Variants in ACOX2 observed in about 807,000 individuals in gnomAD.
ACOX2 encodes acyl-CoA oxidase 2.
In ACOX2, 59 loss-of-function variants were observed where a neutral mutation model predicts 77.5. That is an observed-to-expected ratio of 0.76 (90% CI 0.62 to 0.95). The LOEUF (loss-of-function observed/expected upper bound fraction) is 0.95, where lower values mean the gene tolerates loss of function less well. Among genes scored for constraint, ACOX2 ranks in the 40% least tolerant of loss-of-function variants. The pLI, the probability that ACOX2 is intolerant of heterozygous loss-of-function variation, is 0.00. For synonymous variants in ACOX2, 317 were observed against 340.1 expected (o/e 0.93, Z 0.75); for missense variants, 837 against 880.4 (o/e 0.95, Z 0.62).
At position 58,526,507 on chromosome 3, in the gene ACOX2, G is replaced by A. The variant is rs1162883753; in HGVS notation, c.1305C>T (p.Thr435=). 3.1e-6 allele frequency: 5 copies of A among 1,614,148 alleles called. No individual in the cohort carries two copies. The highest frequency in any genetic ancestry group is 4.2e-6 in the Non-Finnish European group (5 of 1,180,022). The change falls in exon 10 of 15, where the codon ACC becomes ACT. Residue 435 remains threonine (T), a synonymous_variant. Coordinates refer to ENST00000302819, the MANE Select transcript of ACOX2 (RefSeq NM_003500.4). The surrounding 1 kb of genome is among the most constrained non-coding windows in gnomAD (Gnocchi z 4.3). The stretch of plus-strand genomic sequence containing the variant: ...AGAGCACTGTGTTCTCACCCTCGTA[G>A]GTACAGGAGGCCGACAATTTGGTGA... The part of the protein sequence containing the change: ...SLVTKLSASC[T]YEGENTVLYL...
chr3:58,520,094 T>TTG (rs1213228014), intron 12 of ACOX2, among the ~76,000 whole-genome samples: 2 of 152,210 alleles, frequency 1.3e-5, no homozygotes, highest in Non-Finnish European at 2.9e-5. Flanking sequence ...ATTATTTACA[T>TTG]TGTGTGTGTT....
rs1407055019 is a variant in ACOX2, at chr3:58,522,537, CCTCG to C, written c.1587_1590del (p.His529GlnfsTer23). ...TGTATGACAGTGGTCTGGTTCCAAG[CCTCG>C]TGCTGGTCAGCTCCGGATTGCGTCA... On this transcript the variant is annotated frameshift_variant, in exon 12 of 15. Coordinates refer to ENST00000302819, the MANE Select transcript of ACOX2 (RefSeq NM_003500.4). LOFTEE classifies it high-confidence loss of function. The surrounding 1 kb of genome is among the most constrained non-coding windows in gnomAD (Gnocchi z 4.3). 1.2e-6 allele frequency: 2 copies of C among 1,614,176 alleles called. No homozygotes were observed. The highest frequency in any genetic ancestry group is 2.2e-5 in the South Asian group (2 of 91,088).
In ACOX2 at chr3:58,533,004, G is replaced by A. The variant is rs2063452415; in HGVS notation, c.583+441C>T. Among the ~76,000 whole-genome samples the A allele has an allele frequency of 6.6e-6, 1 of 152,172 alleles. No homozygotes were observed. The highest frequency in any genetic ancestry group is 2.4e-5 in the African/African-American group (1 of 41,428). ...TGGTGATGGGCGTGAGCCTTCCTGGGTGTCTGCAGCAGGGGCAGGCAGGCG... is the reference window on the plus strand; with the variant it reads ...TGGTGATGGGCGTGAGCCTTCCTGGATGTCTGCAGCAGGGGCAGGCAGGCG... On this transcript the variant is annotated intron_variant, in intron 5 of 14. Coordinates refer to ENST00000302819, the MANE Select transcript of ACOX2 (RefSeq NM_003500.4). This position sits in a 1 kb window ranked among gnomAD's most constrained non-coding sequence, Gnocchi z 5.6.
chr3:58,528,766 C>T lies in ACOX2; in HGVS notation c.1155+28G>A, dbSNP rs754999599. The T allele has an allele frequency of 4.4e-6, 7 of 1,580,608 alleles. No homozygotes were observed. In the African/African-American group the frequency reaches 5.4e-5, roughly 12 times the overall value. Reference sequence around the variant, plus strand: ...AATCTTAGCTCCCAGCGCCTGCCAGCGCCTGCCCCTCCGCAGACAGCAGGT... The same window carrying T: ...AATCTTAGCTCCCAGCGCCTGCCAGTGCCTGCCCCTCCGCAGACAGCAGGT... On this transcript the variant is annotated intron_variant, in intron 9 of 14. Transcript: ENST00000302819. This position sits in a 1 kb window ranked among gnomAD's most constrained non-coding sequence, Gnocchi z 5.6.
rs2063344830 is a variant in ACOX2, at chr3:58,519,550, G to C, written c.1633-2127C>G. Among the ~76,000 whole-genome samples, 1 of 152,178 alleles carries C rather than the reference G, an allele frequency of 6.6e-6. No homozygotes were observed. The stretch of plus-strand genomic sequence containing the variant: ...AAGTGTGGTGGTATAATGAGGTGAT[G>C]ATGGGGAACCATGGAGGTTAGGGTG... On this transcript the variant is annotated intron_variant, in intron 12 of 14. Transcript: ENST00000302819. The surrounding 1 kb of genome is among the most constrained non-coding windows in gnomAD (Gnocchi z 5.0).
chr3:58,519,671 G>A lies in ACOX2; in HGVS notation c.1633-2248C>T, dbSNP rs1388263978. Among the ~76,000 whole-genome samples, 1 of 152,158 alleles carries A rather than the reference G, an allele frequency of 6.6e-6. No homozygotes were observed. Among genetic ancestry groups the A allele is most frequent in the South Asian group, 2.1e-4 (1 of 4,822 alleles). On this transcript the variant is annotated intron_variant, in intron 12 of 14. Coordinates refer to ENST00000302819, the MANE Select transcript of ACOX2 (RefSeq NM_003500.4). This position sits in a 1 kb window ranked among gnomAD's most constrained non-coding sequence, Gnocchi z 5.0. ...GGAGTCTTCAGCTGGGCAGTGACCC[G>A]ATCCGCTTTCTCACTTGGAAAGAAC...
chr3:58,527,856 C>T (rs1285286968), intron 9 of ACOX2, among the ~76,000 whole-genome samples: 1 of 117,690 alleles, frequency 8.5e-6, no homozygotes, highest in African/African-American at 3.1e-5. Context: ...CCACACCTGA[C>T]TAATTTTTCA....
At chr3:58,520,466 C>T (rs2063351079) in intron 12 of ACOX2, among the ~76,000 whole-genome samples, 2 of 152,266 alleles carry the variant, frequency 1.3e-5, no homozygotes. Flanking sequence ...AAGGGCTCTT[C>T]CATGCCCCTT....
chr3:58,511,094 C>T (rs1485611819), intron 13 of ACOX2: 7 of 456,064 alleles, frequency 1.5e-5, no homozygotes, highest in Admixed American at 7.1e-5. Flanking sequence ...GTGTAAGTTC[C>T]CACCCTTGCA....
chr3:58,530,160 A>G (rs1553856795), intron 8 of ACOX2, among the ~76,000 whole-genome samples: 1 of 152,258 alleles, frequency 6.6e-6, no homozygotes, highest in Non-Finnish European at 1.5e-5. Context: ...TCGGACAGAC[A>G]CAGAGTCAGA....
chr3:58,525,428 A>G lies in ACOX2; in HGVS notation c.1347-823T>C, dbSNP rs1263344442. Among the ~76,000 whole-genome samples, 3 of 152,202 alleles carry G rather than the reference A, an allele frequency of 2.0e-5. No homozygotes were observed. Among genetic ancestry groups the G allele is most frequent in the African/African-American group, 7.2e-5 (3 of 41,448 alleles). On this transcript the variant is annotated intron_variant, in intron 10 of 14. Transcript: ENST00000302819. The surrounding 1 kb of genome is among the most constrained non-coding windows in gnomAD (Gnocchi z 5.0). ...GAGGCTCTGTCGGCCTCCAGGGCCC[A>G]CAGACCTAAGAGGGATGAAAAGAAA... is the stretch of plus-strand genomic sequence containing the variant.
In ACOX2 at chr3:58,533,683, G is replaced by C. The variant is rs2063457208; in HGVS notation, c.476-131C>G. ...TGGGGCCCAGCTCCCAGCTGTACTT[G>C]CAGGCAGTTCTCCCCTTTCATCTGT... On this transcript the variant is annotated intron_variant, in intron 4 of 14. Coordinates refer to ENST00000302819, the MANE Select transcript of ACOX2 (RefSeq NM_003500.4). This position sits in a 1 kb window ranked among gnomAD's most constrained non-coding sequence, Gnocchi z 5.6. 1 of 802,400 alleles carries C rather than the reference G, an allele frequency of 1.2e-6. No homozygotes were observed. The highest frequency in any genetic ancestry group is 2.0e-6 in the Non-Finnish European group (1 of 492,146). The allele number at this position is 802,400 out of a possible 1,614,324, so 49.7% of individuals were successfully genotyped here. A position where few individuals can be genotyped will look rare whatever the true frequency, so the allele number is the denominator to read the frequency against.
In ACOX2 at chr3:58,523,621, G is replaced by A; in HGVS notation, c.1526+805C>T. Among the ~76,000 whole-genome samples, 1 of 151,344 alleles carries A rather than the reference G, an allele frequency of 6.6e-6. No individual in the cohort carries two copies. Among genetic ancestry groups the A allele is most frequent in the East Asian group, 1.9e-4 (1 of 5,166 alleles). On this transcript the variant is annotated intron_variant, in intron 11 of 14. Coordinates refer to ENST00000302819, the MANE Select transcript of ACOX2 (RefSeq NM_003500.4). This position sits in a 1 kb window ranked among gnomAD's most constrained non-coding sequence, Gnocchi z 5.3. ...TTTTATTTTTTTATTAAAATTTTTT[G>A]TATTTTTGGTAGAGGTGGGGTTTCA... is the stretch of plus-strand genomic sequence containing the variant.
chr3:58,507,286 C>T (rs778202396), intron 14 of ACOX2, among the ~76,000 whole-genome samples: 10 of 152,118 alleles, frequency 6.6e-5, no homozygotes, highest in Admixed American at 1.3e-4. Context: ...GGTGAAGACT[C>T]CTTCGTTGTT....
At position 58,505,366 on chromosome 3, in the gene ACOX2, T is replaced by C; in HGVS notation, c.1984-80A>G. Reference sequence around the variant, plus strand: ...GACTTTCACTTTCAAATTAAGTCTCTAGCTTCAAAAAGTAACATTACGTAA... The same window carrying C: ...GACTTTCACTTTCAAATTAAGTCTCCAGCTTCAAAAAGTAACATTACGTAA... On this transcript the variant is annotated intron_variant, in intron 14 of 14. Coordinates refer to ENST00000302819, the MANE Select transcript of ACOX2 (RefSeq NM_003500.4). The surrounding 1 kb of genome is among the most constrained non-coding windows in gnomAD (Gnocchi z 4.4). 8.5e-7 allele frequency: 1 copy of C among 1,176,180 alleles called. No homozygotes were observed. Among genetic ancestry groups the C allele is most frequent in the Non-Finnish European group, 1.2e-6 (1 of 832,896 alleles). The allele number at this position is 1,176,180 out of a possible 1,614,324, so 72.9% of individuals were successfully genotyped here.
Position 58,528,783 on chromosome 3 carries a change from A to T in ACOX2, c.1155+11T>A. 6.3e-7 allele frequency: 1 copy of T among 1,597,526 alleles called. No homozygotes were observed. Among genetic ancestry groups the T allele is most frequent in the Non-Finnish European group, 8.5e-7 (1 of 1,171,482 alleles). ...CCTGCCAGCGCCTGCCCCTCCGCAG[A>T]CAGCAGGTACCTCAGGCAGGAAGCT... On this transcript the variant is annotated intron_variant, in intron 9 of 14. Transcript: ENST00000302819. This position sits in a 1 kb window ranked among gnomAD's most constrained non-coding sequence, Gnocchi z 5.6.
intron 13 of ACOX2, among the ~76,000 whole-genome samples, chr3:58,510,355 G>A (rs1239100615): frequency 2.0e-5 from 3 of 151,690 alleles, no homozygotes; most frequent in Non-Finnish European, 2.9e-5. Context: ...TCAACAGGCC[G>A]GGCGCGATGG....
In ACOX2 at chr3:58,533,664, C is replaced by A; in HGVS notation, c.476-112G>T. 1.1e-6 allele frequency: 1 copy of A among 911,702 alleles called. No individual in the cohort carries two copies. 56.5% of individuals were successfully genotyped at this position (911,702 alleles called of 1,614,324 possible). A position where few individuals can be genotyped will look rare whatever the true frequency, so the allele number is the denominator to read the frequency against. Reference sequence around the variant, plus strand: ...GCATCAGCGCAGTATGGAGTGGGGCCCAGCTCCCAGCTGTACTTGCAGGCA... The same window carrying A: ...GCATCAGCGCAGTATGGAGTGGGGCACAGCTCCCAGCTGTACTTGCAGGCA... On this transcript the variant is annotated intron_variant, in intron 4 of 14. Coordinates refer to ENST00000302819, the MANE Select transcript of ACOX2 (RefSeq NM_003500.4). This position sits in a 1 kb window ranked among gnomAD's most constrained non-coding sequence, Gnocchi z 5.6.
In ACOX2 at chr3:58,534,899, G is replaced by A. The variant is rs2063469767; in HGVS notation, c.160+48C>T. 6.2e-7 allele frequency: 1 copy of A among 1,610,332 alleles called. No homozygotes were observed. The highest frequency in any genetic ancestry group is 8.5e-7 in the Non-Finnish European group (1 of 1,177,064). On this transcript the variant is annotated intron_variant, in intron 2 of 14. Transcript: ENST00000302819. This position sits in a 1 kb window ranked among gnomAD's most constrained non-coding sequence, Gnocchi z 4.8. ...CTAATGAAGGACTCTTCTTACAAGA[G>A]AAGCATGGGGCATAAAACAGATGTC...
Sources: allele counts gnomAD v4.1 joint callset (sites outside exome capture counted in the v4.1 genomes callset), GRCh38; gene constraint gnomAD v4.1.1; non-coding constraint Gnocchi (gnomAD v3.1); transcripts MANE v1.5; gene names NCBI Gene and HGNC (gene_info 2026-07-23, HGNC 2026-07-21).